Variants in DIAPH2 observed in about 807,000 individuals in gnomAD.
The protein encoded by DIAPH2 is protein diaphanous homolog 2.
In DIAPH2, 35 loss-of-function variants were observed where a neutral mutation model predicts 92.7. The ratio of observed to expected loss-of-function variants is 0.38; its 90% CI spans 0.29 to 0.50. DIAPH2 has a LOEUF of 0.50. Among genes scored for constraint, DIAPH2 ranks in the 20% least tolerant of loss-of-function variants. DIAPH2 has a pLI of 0.94. For missense variants in DIAPH2, 701 were observed against 819.5 expected (o/e 0.86, Z 1.77); for synonymous variants, 301 against 280.4 (o/e 1.07, Z -0.73).
intron 26 of DIAPH2, among the ~76,000 whole-genome samples, chrX:97,521,535 C>T (rs777909757): frequency 2.7e-5 from 3 of 111,398 alleles, no homozygotes; most frequent in South Asian, 3.8e-4. Context: ...ATTTGTAGTT[C>T]CCATAATCTC....
intron 26 of DIAPH2, among the ~76,000 whole-genome samples, chrX:97,548,179 A>G (rs1414982493): frequency 8.9e-6 from 1 of 111,736 alleles, no homozygotes; most frequent in East Asian, 2.8e-4. Context: ...CAAATTCCCT[A>G]TTCATTCATT....
At chrX:97,490,980 G>A (rs1286023749) in intron 26 of DIAPH2, among the ~76,000 whole-genome samples, 3 of 109,609 alleles carry the variant, frequency 2.7e-5, no homozygotes, top group Admixed American at 1.9e-4. Context: ...TTGCCTGGAT[G>A]TTCTATTCAT....
At chrX:97,242,054 G>T (rs186013121) in intron 22 of DIAPH2, among the ~76,000 whole-genome samples, 1 of 111,344 alleles carries the variant, frequency 9.0e-6, no homozygotes, top group African/African-American at 3.3e-5. Flanking sequence ...GATAACAGGC[G>T]TGAGCCGCCA....
intron 25 of DIAPH2, among the ~76,000 whole-genome samples, chrX:97,421,806 A>G (rs910428679): frequency 9.0e-6 from 1 of 111,194 alleles, no homozygotes; most frequent in Non-Finnish European, 1.9e-5. Flanking sequence ...AGTCCACTGA[A>G]GCACATTCAA....
At chrX:96,895,055 G>C (rs2065335393) in intron 5 of DIAPH2, among the ~76,000 whole-genome samples, 1 of 98,937 alleles carries the variant, frequency 1.0e-5, no homozygotes, top group Admixed American at 1.2e-4. Context: ...CCAGGCTGGA[G>C]TGTAGTGGCG....
intron 25 of DIAPH2, among the ~76,000 whole-genome samples, chrX:97,425,743 T>A (rs1163726065): frequency 9.6e-6 from 1 of 104,304 alleles, no homozygotes; most frequent in Non-Finnish European, 1.9e-5. Context: ...ATCACACCAC[T>A]GCACTCCAAC....
At chrX:97,090,298 CTTTTTTTTTTTTTTTTTTTTTT>C (rs760073834) in intron 19 of DIAPH2, among the ~76,000 whole-genome samples, 2 of 38,863 alleles carry the variant, frequency 5.1e-5, no homozygotes, top group South Asian at 2.9e-3. Context: ...TCTCTGATCC[CTTTTTTTTTTTTTTTTTTTTTT>C]TTTTTTTTTT....
chrX:97,195,490 G>A (rs977565072), intron 22 of DIAPH2, among the ~76,000 whole-genome samples: 6 of 109,638 alleles, frequency 5.5e-5, no homozygotes, highest in Admixed American at 9.8e-5. Context: ...GTGAAACCCC[G>A]TCTCTACTAA....
At chrX:96,880,054 T>G (rs762553571) in intron 4 of DIAPH2, among the ~76,000 whole-genome samples, 22 of 112,083 alleles carry the variant, frequency 2.0e-4, no homozygotes, top group African/African-American at 6.8e-4. Context: ...TAACGTCTAC[T>G]GTGTCTCATA....
chrX:97,146,386 T>A (rs1032362751), intron 22 of DIAPH2, among the ~76,000 whole-genome samples: 1 of 110,520 alleles, frequency 9.0e-6, no homozygotes, highest in African/African-American at 3.3e-5. Context: ...AAAAACTAAT[T>A]CAGTTAATGA....
intron 19 of DIAPH2, among the ~76,000 whole-genome samples, chrX:97,092,388 T>G (rs1415019012): frequency 8.9e-6 from 1 of 112,475 alleles, no homozygotes. Flanking sequence ...GAGAGAAACA[T>G]TAGATATTGA....
At chrX:96,998,450 A>G (rs2066119768) in intron 17 of DIAPH2, among the ~76,000 whole-genome samples, 1 of 111,559 alleles carries the variant, frequency 9.0e-6, no homozygotes, top group Admixed American at 9.5e-5. Flanking sequence ...TGCTCAGTTT[A>G]TGGAGGACAC....
intron 21 of DIAPH2, among the ~76,000 whole-genome samples, chrX:97,116,566 A>G (rs2067018180): frequency 1.8e-5 from 2 of 111,941 alleles, no homozygotes; most frequent in South Asian, 7.4e-4. Flanking sequence ...CATCTCTACC[A>G]TGGTGCTACT....
intron 4 of DIAPH2, among the ~76,000 whole-genome samples, chrX:96,870,554 G>C (rs780895972): frequency 3.6e-5 from 4 of 109,982 alleles, no homozygotes; most frequent in Non-Finnish European, 7.6e-5. Context: ...GGGATTACAG[G>C]CAATCCCATT....
chrX:96,910,053 T>C (rs758191232), intron 5 of DIAPH2, among the ~76,000 whole-genome samples: 64 of 111,656 alleles, frequency 5.7e-4, no homozygotes, highest in Admixed American at 1.9e-4. Flanking sequence ...GAGGACTATA[T>C]ATAAATTTGT....
intron 25 of DIAPH2, among the ~76,000 whole-genome samples, chrX:97,413,900 A>C (rs1471522875): frequency 9.0e-6 from 1 of 111,696 alleles, no homozygotes; most frequent in African/African-American, 3.3e-5. Flanking sequence ...GAAATAGAAG[A>C]GGACACAAAC....
chrX:96,936,517 C>G (rs1199736317), intron 10 of DIAPH2, among the ~76,000 whole-genome samples: 1 of 111,085 alleles, frequency 9.0e-6, no homozygotes, highest in Non-Finnish European at 1.9e-5. Flanking sequence ...TATATTGAGC[C>G]CAACAATCTC....
rs199907409 is a variant in DIAPH2, at chrX:96,806,744, A to AT, written c.447+48500dup. Among the ~76,000 whole-genome samples, 80 of 86,506 alleles carry AT rather than the reference A, an allele frequency of 9.2e-4. 1 individual carries two copies. The highest frequency in any genetic ancestry group is 5.2e-3 in the South Asian group (10 of 1,924). 75.1% of individuals were successfully genotyped at this position (86,506 alleles called of 115,157 possible). Reference sequence around the variant, plus strand: ...TTGCTTTCTGGCTTCTGGTTTCTGCATTTTTTTTTTTTTTGAGACGGAGTC... The same window carrying AT: ...TTGCTTTCTGGCTTCTGGTTTCTGCATTTTTTTTTTTTTTTGAGACGGAGTC... On this transcript the variant is annotated intron_variant, in intron 4 of 26. Coordinates refer to ENST00000324765, the MANE Select transcript of DIAPH2 (RefSeq NM_006729.5).
At chrX:97,311,132 T>C (rs1390723555) in intron 23 of DIAPH2, among the ~76,000 whole-genome samples, 1 of 112,051 alleles carries the variant, frequency 8.9e-6, no homozygotes, top group African/African-American at 3.2e-5. Context: ...TGCACTCAGT[T>C]AGGTACAAAC....
Sources: allele counts gnomAD v4.1 joint callset (sites outside exome capture counted in the v4.1 genomes callset), GRCh38; gene constraint gnomAD v4.1.1; transcripts MANE v1.5; gene names NCBI Gene and HGNC (gene_info 2026-07-23, HGNC 2026-07-21).